The following CCDC62 variants were observed in gnomAD, a reference collection of about 807,000 sequenced individuals.
CCDC62 encodes coiled-coil domain containing 62.
In CCDC62, 72 loss-of-function variants were observed where a neutral mutation model predicts 80.8. The observed-to-expected ratio is 0.89, with a 90% CI of 0.74 to 1.08. CCDC62 has a LOEUF of 1.08. CCDC62 is among the 50% of genes least tolerant of loss of function. The pLI, the probability that CCDC62 is intolerant of heterozygous loss-of-function variation, is 0.00. For missense variants in CCDC62, 704 were observed against 809.4 expected (o/e 0.87, Z 1.58); for synonymous variants, 286 against 296.5 (o/e 0.96, Z 0.36).
rs1593815596 is a variant in CCDC62, at chr12:122,806,241, G to T, written c.1797G>T (p.Lys599Asn). The stretch of plus-strand genomic sequence containing the variant: ...AGACGGAGTCCTCTTCCAATAAAAA[G>T]AACTCACCTACGAGTTTGTTAATCT... ...EDETESSSNK[K>N]NSPTSLLIYK... is the part of the protein sequence containing the mutation. Residue 599 changes from lysine (K) to asparagine (N), a missense_variant, in exon 10 of 13, where the codon AAG (lysine) becomes AAT (asparagine). Coordinates refer to ENST00000253079, the MANE Select transcript of CCDC62 (RefSeq NM_201435.5). 1 of 1,613,714 alleles carries T rather than the reference G, an allele frequency of 6.2e-7. No individual in the cohort carries two copies. The highest frequency in any genetic ancestry group is 8.5e-7 in the Non-Finnish European group (1 of 1,179,814).
chr12:122,812,777 G>GAGAGAGAGAGAGAGAA (rs750420995), intron 10 of CCDC62, among the ~76,000 whole-genome samples: 17 of 57,760 alleles, frequency 2.9e-4, no homozygotes, highest in African/African-American at 1.2e-3. Context: ...GAGAGAGAGA[G>GAGAGAGAGAGAGAGAA]AGAAAGAAAG....
At chr12:122,784,250 C>T (rs951867054) in intron 3 of CCDC62, among the ~76,000 whole-genome samples, 1 of 152,154 alleles carries the variant, frequency 6.6e-6, no homozygotes. Context: ...AGGCCGGGCG[C>T]GGTGGCTCAT....
intron 11 of CCDC62, among the ~76,000 whole-genome samples, chr12:122,818,296 C>CA (rs1230486964): frequency 6.6e-6 from 1 of 151,592 alleles, no homozygotes; most frequent in Non-Finnish European, 1.5e-5. Flanking sequence ...ACTAAAAATA[C>CA]AAAAAAATTA....
chr12:122,786,776 C>A (rs1325563197), intron 4 of CCDC62, among the ~76,000 whole-genome samples: 2 of 151,258 alleles, frequency 1.3e-5, no homozygotes, highest in African/African-American at 4.9e-5. Flanking sequence ...CTGGCTAACA[C>A]GGTGAAACCC....
intron 10 of CCDC62, among the ~76,000 whole-genome samples, chr12:122,811,656 C>T (rs183000970): frequency 2.7e-5 from 4 of 150,510 alleles, no homozygotes; most frequent in East Asian, 2.0e-4. Context: ...CCCGTCTCTA[C>T]GAAAAATACA....
chr12:122,811,526 T>TAAAA (rs142704099), intron 10 of CCDC62, among the ~76,000 whole-genome samples: 1 of 142,126 alleles, frequency 7.0e-6, no homozygotes, highest in African/African-American at 2.6e-5. Context: ...TAAGTTTTCT[T>TAAAA]AAAAAAAAAA....
Position 122,792,013 on chromosome 12 carries a change from T to C in CCDC62, c.671-7T>C. 6.3e-7 allele frequency: 1 copy of C among 1,598,196 alleles called. No homozygotes were observed. The highest frequency in any genetic ancestry group is 8.6e-7 in the Non-Finnish European group (1 of 1,165,664). On this transcript the variant is annotated splice_polypyrimidine_tract_variant and splice_region_variant and intron_variant, in intron 5 of 12. Transcript: ENST00000253079. ...TTTGAGGACTTTCTTTTTCTTCTGT[T>C]GTGAAGAGGACCTCAATGAAAAGAC... is the stretch of plus-strand genomic sequence containing the variant.
chr12:122,801,559 C>T lies in CCDC62; in HGVS notation c.1413C>T (p.Thr471=). The change falls in exon 9 of 13, where the codon ACC becomes ACT. Residue 471 remains threonine, a synonymous_variant. Coordinates refer to ENST00000253079, the MANE Select transcript of CCDC62 (RefSeq NM_201435.5). ...WHDVSVYLGL[T]NCPSSKHPEK... The stretch of plus-strand genomic sequence containing the variant: ...ATGTCAGTGTTTACCTGGGCCTGAC[C>T]AACTGTCCAAGTTCAAAACATCCAG... 2.5e-6 allele frequency: 4 copies of T among 1,614,092 alleles called. No homozygotes were observed. The highest frequency in any genetic ancestry group is 2.5e-6 in the Non-Finnish European group (3 of 1,180,018).
chr12:122,823,393 CA>C lies in CCDC62; in HGVS notation c.2036del (p.Asn679IlefsTer18), dbSNP rs1053262354. 3 of 1,613,044 alleles carry C rather than the reference CA, an allele frequency of 1.9e-6. No individual in the cohort carries two copies. Among genetic ancestry groups the C allele is most frequent in the Non-Finnish European group, 1.7e-6 (2 of 1,179,284 alleles). On this transcript the variant is annotated frameshift_variant, in exon 12 of 13. Transcript: ENST00000253079. LOFTEE classifies it high-confidence loss of function. The part of the protein sequence containing the change: ...NKSEVPEESA[Q>X]KNTFVSY The stretch of plus-strand genomic sequence containing the variant: ...GTCAGAGGTCCCAGAAGAGTCAGCT[CA>C]AAAAAATACCTTTGTCAGTTATTGA...
chr12:122,797,284 T>G, intron 6 of CCDC62, 23 bp from the exon 7 acceptor site: 1 of 1,148,820 alleles, frequency 8.7e-7, no homozygotes, highest in Non-Finnish European at 1.3e-6. Flanking sequence ...TGAAAAATGT[T>G]AATAATACTT....
At chr12:122,774,777 C>G in intron 1 of CCDC62, 71 bp downstream of exon 1, 1 of 1,134,470 alleles carries the variant, frequency 8.8e-7, no homozygotes, top group Non-Finnish European at 1.1e-6. Context: ...TATTGCTTCT[C>G]AAGAACGGTG....
chr12:122,792,393 G>A (rs1461869460), intron 6 of CCDC62, among the ~76,000 whole-genome samples: 1 of 150,172 alleles, frequency 6.7e-6, no homozygotes, highest in Non-Finnish European at 1.5e-5. Context: ...GCTAAATTTT[G>A]TATATTTAGT....
At chr12:122,817,137 C>T (rs1036812004) in intron 11 of CCDC62, among the ~76,000 whole-genome samples, 181 of 151,816 alleles carry the variant, frequency 1.2e-3, no homozygotes, top group African/African-American at 4.2e-3. Context: ...CTGCAAGCTC[C>T]ACCTTCCGGG....
chr12:122,781,381 T>TTCA, intron 3 of CCDC62, 51 bp downstream of exon 3: 1 of 1,561,852 alleles, frequency 6.4e-7, no homozygotes, highest in Non-Finnish European at 8.8e-7. Flanking sequence ...CCTTTGTGTT[T>TTCA]CAGTTATTGA....
chr12:122,820,535 C>T (rs1021400877), intron 11 of CCDC62, among the ~76,000 whole-genome samples: 1 of 151,940 alleles, frequency 6.6e-6, no homozygotes, highest in African/African-American at 2.4e-5. Context: ...AGTTTTTAAA[C>T]GAATAAGAGA....
chr12:122,801,055 G>A (rs2031271164), intron 8 of CCDC62, 69 bp from the exon 9 acceptor site: 1 of 1,487,938 alleles, frequency 6.7e-7, no homozygotes, highest in African/African-American at 1.4e-5. Context: ...TGAGTTTTGG[G>A]TGAAATGTTT....
intron 3 of CCDC62, among the ~76,000 whole-genome samples, chr12:122,784,604 G>A (rs1454089886): frequency 6.6e-6 from 1 of 152,158 alleles, no homozygotes; most frequent in Non-Finnish European, 1.5e-5. Context: ...GCCAAGGTGG[G>A]AGGATCGCTT....
At position 122,823,368 on chromosome 12, in the gene CCDC62, G is replaced by A. The variant is rs1365860467; in HGVS notation, c.2004G>A (p.Lys668=). Reference sequence around the variant, plus strand: ...CTAATCTGGGAGTTGTTTTCTAGAAGTCAGAGGTCCCAGAAGAGTCAGCTC... The same window carrying A: ...CTAATCTGGGAGTTGTTTTCTAGAAATCAGAGGTCCCAGAAGAGTCAGCTC... The part of the protein sequence containing the change: ...HENLTGSATN[K]SEVPEESAQK... The change falls in exon 12 of 13, where the codon AAG becomes AAA. Residue 668 remains lysine, a splice_region_variant and synonymous_variant. Transcript: ENST00000253079. 6.2e-7 allele frequency: 1 copy of A among 1,612,440 alleles called. No homozygotes were observed. The highest frequency in any genetic ancestry group is 1.7e-5 in the Admixed American group (1 of 59,930).
chr12:122,783,726 T>G (rs2030021989), intron 3 of CCDC62, among the ~76,000 whole-genome samples: 1 of 152,226 alleles, frequency 6.6e-6, no homozygotes, highest in East Asian at 1.9e-4. Context: ...CTTTTTTAAC[T>G]AATACACTTT....
Sources: allele counts gnomAD v4.1 joint callset (sites outside exome capture counted in the v4.1 genomes callset), GRCh38; gene constraint gnomAD v4.1.1; transcripts MANE v1.5; gene names NCBI Gene and HGNC (gene_info 2026-07-23, HGNC 2026-07-21).